The following RAPGEF6 variants were observed in gnomAD, a reference collection of about 807,000 sequenced individuals.
The protein encoded by RAPGEF6 is Rap guanine nucleotide exchange factor 6, also known as PDZ domain containing guanine nucleotide exchange factor (GEF) 2.
Under a neutral mutation model 171.4 loss-of-function variants are expected in RAPGEF6, and 56 were observed. The observed-to-expected ratio is 0.33, with a 90% confidence interval of 0.26 to 0.41. The LOEUF is 0.41. Among genes scored for constraint, RAPGEF6 ranks in the 10% least tolerant of loss-of-function variants. RAPGEF6 has a pLI of 1.00. For missense variants in RAPGEF6, 1,674 were observed against 1,921.4 expected, an observed-to-expected ratio of 0.87 and a Z score of 2.41; for synonymous variants, 692 against 650.1, an observed-to-expected ratio of 1.06 and a Z score of -0.98.
intron 21 of RAPGEF6, chr5:131,446,942 T>C: frequency 2.2e-6 from 1 of 449,882 alleles, no homozygotes; most frequent in South Asian, 2.5e-5. Context: ...CTGAGTGGCA[T>C]ATTCCATCAG....
At chr5:131,509,041 G>A (rs2149893345) in intron 8 of RAPGEF6, among the ~76,000 whole-genome samples, 1 of 152,168 alleles carries the variant, frequency 6.6e-6, no homozygotes, top group South Asian at 2.1e-4. Flanking sequence ...ATTTTTAATA[G>A]TAGCAGCATC....
At chr5:131,618,471 T>TA (rs1158196029) in intron 1 of RAPGEF6, among the ~76,000 whole-genome samples, 5 of 150,076 alleles carry the variant, frequency 3.3e-5, no homozygotes, top group Admixed American at 1.3e-4. Context: ...ATCTCTACTT[T>TA]AAAAAAAAAT....
intron 6 of RAPGEF6, among the ~76,000 whole-genome samples, chr5:131,547,194 T>C (rs1022999269): frequency 1.3e-5 from 2 of 152,182 alleles, no homozygotes; most frequent in African/African-American, 4.8e-5. Context: ...TCTTTCTTAC[T>C]CCTAACACCT....
chr5:131,592,514 C>T (rs1763654259), intron 3 of RAPGEF6, 48 bp from the exon 4 acceptor site: 3 of 1,585,500 alleles, frequency 1.9e-6, no homozygotes, highest in Non-Finnish European at 2.6e-6. Context: ...CACACATGTT[C>T]ATATGTATAT....
chr5:131,513,706 C>G (rs1437429806), intron 7 of RAPGEF6, among the ~76,000 whole-genome samples: 3 of 152,076 alleles, frequency 2.0e-5, no homozygotes, highest in African/African-American at 7.2e-5. Context: ...TATAATCTAC[C>G]CTTACAATTT....
At chr5:131,534,189 T>C (rs1235818753) in intron 6 of RAPGEF6, among the ~76,000 whole-genome samples, 1 of 152,128 alleles carries the variant, frequency 6.6e-6, no homozygotes, top group Non-Finnish European at 1.5e-5. Flanking sequence ...AGAGGAGATG[T>C]TACCTGGGAG....
intron 11 of RAPGEF6, among the ~76,000 whole-genome samples, chr5:131,502,623 T>C (rs1757099774): frequency 1.3e-5 from 2 of 152,214 alleles, no homozygotes. Flanking sequence ...GTATGATCTG[T>C]ATTCTTTAAA....
rs376625752 is a variant in RAPGEF6, at chr5:131,479,752, C to T, written c.1842G>A (p.Val614=). 2.5e-6 allele frequency: 4 copies of T among 1,610,866 alleles called. No homozygotes were observed. Among genetic ancestry groups the T allele is most frequent in the Non-Finnish European group, 3.4e-6 (4 of 1,178,876 alleles). Residue 614 remains valine (V), a splice_region_variant and synonymous_variant, in exon 16 of 28, where the codon GTG becomes GTA. Transcript: ENST00000509018. ...CAGTCCTAAAAAGTAACTCTTTGAA[C>T]ACTGTGGAAATAAAACAAATGCGTC... ...LALTVKTNIF[V]FKELLFRTEQ...
chr5:131,513,195 T>C (rs185083555), intron 7 of RAPGEF6, among the ~76,000 whole-genome samples: 114 of 152,290 alleles, frequency 7.5e-4, no homozygotes, highest in South Asian at 6.4e-3. Flanking sequence ...AATTTAAATA[T>C]GTGTACATGC....
At chr5:131,447,633 A>G (rs1355579652) in intron 21 of RAPGEF6, among the ~76,000 whole-genome samples, 1 of 152,254 alleles carries the variant, frequency 6.6e-6, no homozygotes, top group African/African-American at 2.4e-5. Flanking sequence ...ATTCCAAAAT[A>G]ATAAGGTTAT....
chr5:131,577,939 T>C (rs982976213), intron 4 of RAPGEF6, among the ~76,000 whole-genome samples: 2 of 152,188 alleles, frequency 1.3e-5, no homozygotes, highest in Non-Finnish European at 2.9e-5. Flanking sequence ...CCCCCACTAC[T>C]TGGACTGCAC....
At chr5:131,581,301 T>C (rs909778440) in intron 4 of RAPGEF6, among the ~76,000 whole-genome samples, 2 of 152,230 alleles carry the variant, frequency 1.3e-5, no homozygotes, top group African/African-American at 2.4e-5. Flanking sequence ...AAAAACTCAC[T>C]AATCAGGCAA....
chr5:131,500,095 C>T (rs1290866922), intron 11 of RAPGEF6, among the ~76,000 whole-genome samples: 2 of 152,168 alleles, frequency 1.3e-5, no homozygotes, highest in Non-Finnish European at 2.9e-5. Context: ...GACGGGGTTT[C>T]ACCATGTTGG....
At chr5:131,516,586 GTTGT>G (rs1758099681) in intron 7 of RAPGEF6, among the ~76,000 whole-genome samples, 1 of 152,146 alleles carries the variant, frequency 6.6e-6, no homozygotes, top group Non-Finnish European at 1.5e-5. Flanking sequence ...TGTGTCTGGA[GTTGT>G]TTAAGAATGA....
chr5:131,442,650 A>C, intron 22 of RAPGEF6, 113 bp from the exon 23 acceptor site: 3 of 1,429,294 alleles, frequency 2.1e-6, no homozygotes, highest in Non-Finnish European at 2.8e-6. Context: ...AAAAGATAAA[A>C]TAGATTAATT....
intron 4 of RAPGEF6, among the ~76,000 whole-genome samples, chr5:131,567,442 A>C (rs185417230): frequency 1.3e-5 from 2 of 152,318 alleles, no homozygotes; most frequent in Admixed American, 1.3e-4. Context: ...TGCATCCCAT[A>C]AATTTTGATG....
At chr5:131,446,155 A>G (rs1432298295) in intron 22 of RAPGEF6, among the ~76,000 whole-genome samples, 1 of 152,254 alleles carries the variant, frequency 6.6e-6, no homozygotes, top group African/African-American at 2.4e-5. Context: ...TGAAATAAAA[A>G]GAGGTAAAAA....
intron 5 of RAPGEF6, among the ~76,000 whole-genome samples, chr5:131,549,601 C>T (rs947266498): frequency 6.6e-6 from 1 of 151,916 alleles, no homozygotes; most frequent in East Asian, 1.9e-4. Flanking sequence ...GTCCCTGCTA[C>T]CAGGGATGCT....
chr5:131,425,514 C>T lies in RAPGEF6; in HGVS notation c.*1752G>A. On this transcript the variant is annotated 3_prime_UTR_variant, in exon 28 of 28. Coordinates refer to ENST00000509018, the MANE Select transcript of RAPGEF6 (RefSeq NM_016340.6). ...TCAGGTTATTTCCCATTTCAAAGGA[C>T]CAAGAAAGCTATGGAACCACCAAGC... 1 of 152,342 alleles carries T rather than the reference C, an allele frequency of 6.6e-6. No individual in the cohort carries two copies. Among genetic ancestry groups the T allele is most frequent in the East Asian group, 1.9e-4 (1 of 5,324 alleles). 9.4% of individuals were successfully genotyped at this position (152,342 alleles called of 1,614,324 possible).
Sources: gnomAD v4.1 joint callset for allele counts (sites outside exome capture counted in the v4.1 genomes callset) on GRCh38, gnomAD v4.1.1 for gene constraint, MANE v1.5 for transcripts, NCBI Gene and HGNC (gene_info 2026-07-23, HGNC 2026-07-21) for gene names.